CARD10: variants seen among roughly 807,000 people sequenced by gnomAD.
The protein encoded by CARD10 is caspase recruitment domain family member 10.
CARD10 carries 49 observed loss-of-function variants against 114.6 expected under a neutral mutation model. The ratio of observed to expected loss-of-function variants is 0.43; its 90% CI spans 0.34 to 0.54. The LOEUF (loss-of-function observed/expected upper bound fraction) is 0.54. Ranked by LOEUF, CARD10 falls within the 20% of genes least tolerant of loss-of-function variation. The pLI is 0.03. For missense variants in CARD10, 1,206 were observed against 1,397.2 expected, an observed-to-expected ratio of 0.86 and a Z score of 2.18; for synonymous variants, 602 against 593.2, an observed-to-expected ratio of 1.01 and a Z score of -0.21.
intron 3 of CARD10, among the ~76,000 whole-genome samples, chr22:37,511,746 C>G (rs1037484959): frequency 2.0e-5 from 3 of 152,070 alleles, no homozygotes; most frequent in African/African-American, 7.2e-5. Flanking sequence ...CATCTCACCT[C>G]AACACACTCT....
intron 19 of CARD10, 21 bp downstream of exon 19, chr22:37,491,734 T>G: frequency 3.3e-6 from 4 of 1,200,436 alleles, no homozygotes; most frequent in Non-Finnish European, 3.6e-6. Flanking sequence ...CCCTGCCCAC[T>G]GCCCCACCCA....
At position 37,494,120 on chromosome 22, in the gene CARD10, G is replaced by A. The variant is rs775071196; in HGVS notation, c.2442C>T (p.Asp814=). 15 of 1,559,514 alleles carry A rather than the reference G, an allele frequency of 9.6e-6. No individual in the cohort carries two copies. Among genetic ancestry groups the A allele is most frequent in the African/African-American group, 2.7e-5 (2 of 73,448 alleles). The change falls in exon 16 of 20, where the codon GAC becomes GAT. Residue 814 remains aspartate, a synonymous_variant. Transcript: ENST00000251973. Reference sequence around the variant, plus strand: ...GCTCCAGCAGCAGCTGATCCGGGGAGTCCCCTGCAGGCGCCCCCACGGGCT... The same window carrying A: ...GCTCCAGCAGCAGCTGATCCGGGGAATCCCCTGCAGGCGCCCCCACGGGCT... ...RPKPVGAPAG[D]SPDQLLLEPC...
rs377009692 is a variant in CARD10 at position 37,492,762 on chromosome 22, C to A, written c.2517G>T (p.Pro839=). Residue 839 remains proline, a synonymous_variant, in exon 17 of 20, where the codon CCG becomes CCT. Coordinates refer to ENST00000251973, the MANE Select transcript of CARD10 (RefSeq NM_014550.4). This position sits in a 1 kb window ranked among gnomAD's most constrained non-coding sequence, Gnocchi z 5.7. ...CGGGCCGCAGGGCAGACACCAGTAG[C>A]GGCCGCACCAAACTGTAGGGTCTGA... The part of the protein sequence containing the change: ...RSLRPYSLVR[P]LLVSALRPVV... 3 of 1,612,676 alleles carry A rather than the reference C, an allele frequency of 1.9e-6. No homozygotes were observed. Among genetic ancestry groups the A allele is most frequent in the Non-Finnish European group, 2.5e-6 (3 of 1,179,894 alleles).
intron 9 of CARD10, among the ~76,000 whole-genome samples, chr22:37,503,867 T>TA (rs1923307686): frequency 6.6e-6 from 1 of 152,132 alleles, no homozygotes; most frequent in South Asian, 2.1e-4. Context: ...CCTTGAAACA[T>TA]TCTCCACGCC....
In CARD10 at chr22:37,496,690, G is replaced by T; in HGVS notation, c.1948-130C>A. The T allele has an allele frequency of 1.4e-6, 1 of 729,084 alleles. No individual in the cohort carries two copies. Among genetic ancestry groups the T allele is most frequent in the South Asian group, 1.6e-5 (1 of 63,968 alleles). 45.2% of individuals were successfully genotyped at this position (729,084 alleles called of 1,614,324 possible). On this transcript the variant is annotated intron_variant, in intron 12 of 19. Coordinates refer to ENST00000251973, the MANE Select transcript of CARD10 (RefSeq NM_014550.4). The surrounding 1 kb of genome is among the most constrained non-coding windows in gnomAD (Gnocchi z 4.1). Reference sequence around the variant, plus strand: ...TTCAGATAGCGCCCCCTCAGAAACTGCCATGCCCAGCCCAGTCAGACCCGT... The same window carrying T: ...TTCAGATAGCGCCCCCTCAGAAACTTCCATGCCCAGCCCAGTCAGACCCGT...
chr22:37,496,573 C>T lies in CARD10; in HGVS notation c.1948-13G>A. On this transcript the variant is annotated splice_polypyrimidine_tract_variant and intron_variant, in intron 12 of 19. Transcript: ENST00000251973. The surrounding 1 kb of genome is among the most constrained non-coding windows in gnomAD (Gnocchi z 4.1). ...CTTCCACCCTTTGCTGGGAGAAAAC[C>T]CAGGCAGGGAGGGAAAGAAGTGAGC... 1 of 1,597,754 alleles carries T rather than the reference C, an allele frequency of 6.3e-7. No individual in the cohort carries two copies. The highest frequency in any genetic ancestry group is 8.6e-7 in the Non-Finnish European group (1 of 1,166,926).
intron 10 of CARD10, 109 bp from the exon 11 acceptor site, chr22:37,502,834 G>C: frequency 7.7e-7 from 1 of 1,291,308 alleles, no homozygotes; most frequent in Non-Finnish European, 1.0e-6. Context: ...TGGCAGGTTT[G>C]AGGCCCCAGG....
At chr22:37,499,874 C>T (rs1923149569) in intron 11 of CARD10, among the ~76,000 whole-genome samples, 1 of 152,116 alleles carries the variant, frequency 6.6e-6, no homozygotes, top group Non-Finnish European at 1.5e-5. Context: ...CTGCTCCCCG[C>T]TCCTGGGACT....
intron 11 of CARD10, among the ~76,000 whole-genome samples, chr22:37,498,909 G>C (rs976133306): frequency 3.7e-5 from 5 of 135,510 alleles, no homozygotes; most frequent in South Asian, 2.8e-4. Context: ...GGGGGGTGGG[G>C]GGGGGGGGCA....
intron 3 of CARD10, chr22:37,512,164 G>C (rs1923673531): frequency 6.6e-6 from 1 of 152,428 alleles, no homozygotes; most frequent in South Asian, 2.1e-4. Context: ...GGCCTGGTAT[G>C]GGGGGTGGGC....
chr22:37,491,927 G>T (rs756419501), intron 18 of CARD10, 60 bp from the exon 19 acceptor site: 1 of 1,171,344 alleles, frequency 8.5e-7, no homozygotes, highest in Non-Finnish European at 1.3e-6. Context: ...CCTCCCATGC[G>T]CTGCCCCCAG....
Position 37,496,735 on chromosome 22 carries a change from C to T in CARD10, c.1948-175G>A. On this transcript the variant is annotated intron_variant, in intron 12 of 19. Coordinates refer to ENST00000251973, the MANE Select transcript of CARD10 (RefSeq NM_014550.4). The surrounding 1 kb of genome is among the most constrained non-coding windows in gnomAD (Gnocchi z 4.1). ...ACCCGTCCCCATCCACAGGACGCCC[C>T]CATCCACAGGACTCCCCAACCCGCC... is the stretch of plus-strand genomic sequence containing the variant. The T allele has an allele frequency of 1.6e-6, 1 of 642,912 alleles. No individual in the cohort carries two copies. The highest frequency in any genetic ancestry group is 2.7e-6 in the Non-Finnish European group (1 of 371,182). 39.8% of individuals were successfully genotyped at this position (642,912 alleles called of 1,614,324 possible). A position where few individuals can be genotyped will look rare whatever the true frequency, so the allele number is the denominator to read the frequency against.
rs893492438 is a variant in CARD10, at chr22:37,501,132, C to CCTCT, written c.1787+1466_1787+1469dup. 6.6e-6 allele frequency among the ~76,000 whole-genome samples: 1 copy of CCTCT among 151,636 alleles called. No homozygotes were observed. The highest frequency in any genetic ancestry group is 1.5e-5 in the Non-Finnish European group (1 of 67,842). On this transcript the variant is annotated intron_variant, in intron 11 of 19. Transcript: ENST00000251973. The surrounding 1 kb of genome is among the most constrained non-coding windows in gnomAD (Gnocchi z 5.4). Reference sequence around the variant, plus strand: ...TCTCCCTCTCCTCTCCGCCTGTCTGCCTCTCTCTCTCTCTTTCTCTCTCTC... The same window carrying CCTCT: ...TCTCCCTCTCCTCTCCGCCTGTCTGCCTCTCTCTCTCTCTCTCTTTCTCTCTCTC...
intron 4 of CARD10, 43 bp from the exon 5 acceptor site, chr22:37,508,725 G>T: frequency 6.6e-7 from 1 of 1,511,222 alleles, no homozygotes; most frequent in South Asian, 1.2e-5. Context: ...CTGGCTAGGG[G>T]CCCACCCTGG....
At position 37,519,167 on chromosome 22, in the gene CARD10, C is replaced by G. The variant is rs761227353; in HGVS notation, c.34G>C (p.Glu12Gln). The part of the protein sequence containing the change: ...PGRAEAGEAE[E>Q]EAGAGSGSEA... ...GACCCCGAGCCGGCCCCGGCCTCCT[C>G]CTCGGCCTCCCCCGCCTCCGCCCGG... Residue 12 changes from glutamate to glutamine, a missense_variant, in exon 1 of 20, where the codon GAG (glutamate) becomes CAG (glutamine). This residue lies in a region of CARD10 where 138 missense variants were observed against 218.0 expected (regional missense o/e 0.63). Coordinates refer to ENST00000251973, the MANE Select transcript of CARD10 (RefSeq NM_014550.4). The surrounding 1 kb of genome is among the most constrained non-coding windows in gnomAD (Gnocchi z 4.1). The G allele has an allele frequency of 5.9e-6, 9 of 1,537,382 alleles. No individual in the cohort carries two copies. Among genetic ancestry groups the G allele is most frequent in the Non-Finnish European group, 7.0e-6 (8 of 1,147,542 alleles).
At chr22:37,497,381 C>T in intron 11 of CARD10, 1 of 619,384 alleles carries the variant, frequency 1.6e-6, no homozygotes, top group Non-Finnish European at 2.8e-6. Flanking sequence ...CACAAGCAGC[C>T]TCTCCCCTGG....
intron 3 of CARD10, among the ~76,000 whole-genome samples, chr22:37,514,410 T>C (rs1923765804): frequency 6.6e-6 from 1 of 152,076 alleles, no homozygotes; most frequent in African/African-American, 2.4e-5. Context: ...GCCTGGGACA[T>C]GTCCCTGTCC....
rs751613172 is a variant in CARD10 at position 37,494,076 on chromosome 22, G to A, written c.2476+10C>T. The A allele has an allele frequency of 1.4e-5, 21 of 1,538,898 alleles. No homozygotes were observed. The highest frequency in any genetic ancestry group is 9.8e-5 in the East Asian group (4 of 40,988). On this transcript the variant is annotated intron_variant, in intron 16 of 19. Transcript: ENST00000251973. ...CAACACGGGATACAGCTTTGCCCCC[G>A]CGCACTCACCTGCACAGGGCTCCAG...
chr22:37,510,191 C>T, intron 4 of CARD10, 21 bp downstream of exon 4: 2 of 1,596,266 alleles, frequency 1.3e-6, no homozygotes, highest in Non-Finnish European at 1.7e-6. Context: ...AGCCTGTGCC[C>T]ACAAGCCCTG....
Sources: allele counts gnomAD v4.1 joint callset (sites outside exome capture counted in the v4.1 genomes callset), GRCh38; gene constraint gnomAD v4.1.1; regional missense constraint gnomAD v4.1.1; non-coding constraint Gnocchi (gnomAD v3.1); transcripts MANE v1.5; gene names NCBI Gene and HGNC (gene_info 2026-07-23, HGNC 2026-07-21).